The following PICALM variants were observed in gnomAD, a reference collection of about 807,000 sequenced individuals.
PICALM encodes the protein phosphatidylinositol-binding clathrin assembly protein.
A neutral mutation model predicts 80.5 loss-of-function variants in PICALM; 40 were observed. That is an observed-to-expected ratio of 0.50 (90% confidence interval 0.39 to 0.65). PICALM has a LOEUF of 0.65. Ranked by LOEUF, PICALM falls within the 30% of genes least tolerant of loss-of-function variation. The probability of loss-of-function intolerance (pLI) is 0.00; values close to 1 mark genes in which losing one functional copy is unlikely to be tolerated. For synonymous variants in PICALM, 288 were observed against 260.3 expected, an observed-to-expected ratio of 1.11 and a Z score of -1.02; for missense variants, 676 against 778.9, an observed-to-expected ratio of 0.87 and a Z score of 1.57.
chr11:86,001,249 A>T, intron 9 of PICALM, 91 bp from the exon 10 acceptor site: 1 of 1,152,840 alleles, frequency 8.7e-7, no homozygotes, highest in Non-Finnish European at 1.3e-6. Flanking sequence ...CTTGCCATGG[A>T]TAGGCACTAT....
At chr11:86,037,299 G>A (rs1169427298) in intron 1 of PICALM, among the ~76,000 whole-genome samples, 2 of 116,892 alleles carry the variant, frequency 1.7e-5, no homozygotes, top group Admixed American at 1.1e-4. Context: ...TCACTCTATC[G>A]CCCAGGCTGG....
chr11:85,982,092 T>C, intron 14 of PICALM, 89 bp from the exon 15 acceptor site: 1 of 1,181,310 alleles, frequency 8.5e-7, no homozygotes, highest in African/African-American at 1.5e-5. Context: ...TTTCTCCTTG[T>C]TTATTCACTG....
In PICALM at chr11:86,003,961, G is replaced by A. The variant is rs544851462; in HGVS notation, c.808-510C>T. 2.6e-5 allele frequency among the ~76,000 whole-genome samples: 4 copies of A among 152,276 alleles called. No homozygotes were observed. In the South Asian group the frequency reaches 6.2e-4, roughly 24 times the overall value. ...TACATCTGCAGTATCAAATGTTGGT[G>A]AGCATATGGAACAACTGGAACTCTC... On this transcript the variant is annotated intron_variant, in intron 8 of 19. Coordinates refer to ENST00000393346, the MANE Select transcript of PICALM (RefSeq NM_007166.4).
chr11:86,060,000 T>C (rs1382220412), intron 1 of PICALM, among the ~76,000 whole-genome samples: 2 of 152,214 alleles, frequency 1.3e-5, no homozygotes, highest in East Asian at 3.8e-4. Context: ...TTCCAAGTCA[T>C]ACTGAACACT....
At chr11:86,020,190 T>G (rs1158170847) in intron 4 of PICALM, among the ~76,000 whole-genome samples, 1 of 150,244 alleles carries the variant, frequency 6.7e-6, no homozygotes, top group Non-Finnish European at 1.5e-5. Flanking sequence ...AAAAGAAAGC[T>G]TAAATACAAA....
At chr11:86,042,587 A>C (rs528458175) in intron 1 of PICALM, among the ~76,000 whole-genome samples, 32 of 152,068 alleles carry the variant, frequency 2.1e-4, no homozygotes, top group Non-Finnish European at 4.4e-4. Context: ...CCAAAATTAC[A>C]AACACTTTTT....
intron 4 of PICALM, among the ~76,000 whole-genome samples, chr11:86,021,169 G>A (rs1593004400): frequency 6.6e-6 from 1 of 152,068 alleles, no homozygotes; most frequent in Admixed American, 6.6e-5. Context: ...GCAACATAGT[G>A]AGAACTCATT....
chr11:86,037,132 G>C (rs1245237305), intron 1 of PICALM, among the ~76,000 whole-genome samples: 3 of 150,030 alleles, frequency 2.0e-5, no homozygotes, highest in East Asian at 3.9e-4. Context: ...TTTTAGTAGA[G>C]ACAGGGTTTC....
chr11:86,001,175 G>C lies in PICALM; in HGVS notation c.894-17C>G. 6.2e-7 allele frequency: 1 copy of C among 1,610,274 alleles called. No homozygotes were observed. On this transcript the variant is annotated splice_polypyrimidine_tract_variant and intron_variant, in intron 9 of 19. Coordinates refer to ENST00000393346, the MANE Select transcript of PICALM (RefSeq NM_007166.4). ...GTAGTTGCCCTAGGATAATTGAACAGAGATAATTTGGCTTTTTGCTAAACA... is the reference window on the plus strand; with the variant it reads ...GTAGTTGCCCTAGGATAATTGAACACAGATAATTTGGCTTTTTGCTAAACA...
intron 5 of PICALM, among the ~76,000 whole-genome samples, chr11:86,012,702 T>G (rs1182401426): frequency 6.6e-6 from 1 of 152,122 alleles, no homozygotes; most frequent in Non-Finnish European, 1.5e-5. Flanking sequence ...TTCTAAGTTC[T>G]TTTTTAGCAC....
At chr11:86,015,909 A>G (rs1459674719) in intron 4 of PICALM, among the ~76,000 whole-genome samples, 1 of 152,354 alleles carries the variant, frequency 6.6e-6, no homozygotes, top group East Asian at 1.9e-4. Context: ...ATTAAGCTAT[A>G]AAAAGCAACA....
At chr11:85,960,385 A>C (rs1303801204) in intron 19 of PICALM, among the ~76,000 whole-genome samples, 2 of 152,230 alleles carry the variant, frequency 1.3e-5, no homozygotes, top group Admixed American at 6.5e-5. Context: ...GAAAGGGCTT[A>C]AGTATTCACT....
At chr11:85,989,309 T>C (rs2094688056) in intron 13 of PICALM, among the ~76,000 whole-genome samples, 1 of 152,240 alleles carries the variant, frequency 6.6e-6, no homozygotes, top group Non-Finnish European at 1.5e-5. Context: ...TTGTCTGATC[T>C]ACTAACTTGC....
At chr11:85,990,644 G>A (rs2135907530) in intron 12 of PICALM, among the ~76,000 whole-genome samples, 1 of 152,196 alleles carries the variant, frequency 6.6e-6, no homozygotes, top group African/African-American at 2.4e-5. Context: ...CCAACAGTCA[G>A]GTAGTTAAAA....
intron 1 of PICALM, among the ~76,000 whole-genome samples, chr11:86,056,575 G>C (rs1321363359): frequency 6.6e-6 from 1 of 151,990 alleles, no homozygotes; most frequent in Non-Finnish European, 1.5e-5. Flanking sequence ...ATTGCTGATG[G>C]GAATGTAAAA....
At chr11:85,981,431 C>G (rs2094439453) in intron 16 of PICALM, among the ~76,000 whole-genome samples, 1 of 152,040 alleles carries the variant, frequency 6.6e-6, no homozygotes, top group Non-Finnish European at 1.5e-5. Context: ...CACGGCGAAA[C>G]CCCGTCTCTA....
rs184266799 is a variant in PICALM at position 86,043,449 on chromosome 11, T to C, written c.131-11838A>G. Among the ~76,000 whole-genome samples, 623 of 152,314 alleles carry C rather than the reference T, an allele frequency of 4.1e-3. 2 individuals carry two copies. Among genetic ancestry groups the C allele is most frequent in the African/African-American group, 0.013 (560 of 41,574 alleles). ...TCAATCTAAGGTCTTCTGGGGGAGT[T>C]AGAGACATTAGAATTTTTCACCTCT... On this transcript the variant is annotated intron_variant, in intron 1 of 19. Transcript: ENST00000393346.
chr11:85,976,405 A>G (rs2094284699), intron 18 of PICALM, among the ~76,000 whole-genome samples: 1 of 152,222 alleles, frequency 6.6e-6, no homozygotes, highest in Non-Finnish European at 1.5e-5. Flanking sequence ...GAGGAGAAAA[A>G]TAAACCAAGT....
chr11:85,989,238 G>T (rs1354537499), intron 13 of PICALM, among the ~76,000 whole-genome samples: 1 of 152,130 alleles, frequency 6.6e-6, no homozygotes, highest in Non-Finnish European at 1.5e-5. Context: ...TCACACTTTG[G>T]ATATATATGT....
Sources: gnomAD v4.1 joint callset for allele counts (sites outside exome capture counted in the v4.1 genomes callset) on GRCh38, gnomAD v4.1.1 for gene constraint, MANE v1.5 for transcripts, NCBI Gene and HGNC (gene_info 2026-07-23, HGNC 2026-07-21) for gene names.